The following DUSP15 variants were observed in gnomAD, a reference collection of about 807,000 sequenced individuals.
DUSP15 encodes the protein dual specificity protein phosphatase 15.
In DUSP15, 23 loss-of-function variants were observed where a neutral mutation model predicts 26.3. The observed-to-expected ratio is 0.87, with a 90% CI of 0.63 to 1.24. The LOEUF is 1.24. Among genes scored for constraint, DUSP15 ranks in the 50% most tolerant of loss-of-function variants. The pLI, the probability that DUSP15 is intolerant of heterozygous loss-of-function variation, is 0.00. For missense variants in DUSP15, 364 were observed against 320.6 expected (o/e 1.14, Z -1.03); for synonymous variants, 143 against 135.5 (o/e 1.06, Z -0.39).
intron 6 of DUSP15, among the ~76,000 whole-genome samples, chr20:31,852,033 G>GT (rs2062478826): frequency 7.1e-6 from 1 of 141,072 alleles, no homozygotes; most frequent in Non-Finnish European, 1.5e-5. Context: ...TTGAGATGGA[G>GT]TTTTGCTCTT....
chr20:31,849,776 G>C, exon 8 of DUSP15: 1 of 1,539,024 alleles, frequency 6.5e-7, no homozygotes, highest in African/African-American at 1.4e-5. Flanking sequence ...CAGGCGCTCG[G>C]CGGCCGCCCG....
At chr20:31,858,398 C>A (rs1254468453), downstream of DUSP15, among the ~76,000 whole-genome samples, 1 of 152,202 alleles carries the variant, frequency 6.6e-6, no homozygotes, top group Non-Finnish European at 1.5e-5. The surrounding 1 kb of genome is among the most constrained non-coding windows in gnomAD (Gnocchi z 4.4). Context: ...GTGGCTCAAC[C>A]CACGTGGGCC....
chr20:31,859,299 TGG>T (rs11477044), downstream of DUSP15, among the ~76,000 whole-genome samples: 1,123 of 140,008 alleles, frequency 8.0e-3, 14 homozygotes, highest in African/African-American at 0.024. Flanking sequence ...TGCATTTTTT[TGG>T]GGGGGGGGGA....
Position 31,870,201 on chromosome 20 carries a change from G to A in DUSP15, c.21+116C>T. The A allele has an allele frequency of 8.2e-7, 1 of 1,225,578 alleles. No homozygotes were observed. Among genetic ancestry groups the A allele is most frequent in the Non-Finnish European group, 1.0e-6 (1 of 983,718 alleles). The allele number at this position is 1,225,578 out of a possible 1,614,324, so 75.9% of individuals were successfully genotyped here. ...CGAGTCACAGGGACACGGAGATGCC[G>A]CCGCACGGAGACCGGCGAGAACAGA... On this transcript the variant is annotated intron_variant, in intron 1 of 6. Coordinates refer to ENST00000339738, the MANE Select transcript of DUSP15 (RefSeq NM_080611.5). The surrounding 1 kb of genome is among the most constrained non-coding windows in gnomAD (Gnocchi z 6.6).
Position 31,863,923 on chromosome 20 carries a change from T to TC in DUSP15, c.246dup (p.Asn83GlufsTer34). ...TTAACTCACCAGTGCACAAGGCAGT[T>TC]CCCCCCATTAAGGCGGCAGCAGTGG... is the stretch of plus-strand genomic sequence containing the variant. On this transcript the variant is annotated frameshift_variant, in exon 5 of 7. Transcript: ENST00000339738. LOFTEE classifies it high-confidence loss of function. The TC allele has an allele frequency of 6.2e-7, 1 of 1,613,478 alleles. No homozygotes were observed. The highest frequency in any genetic ancestry group is 8.5e-7 in the Non-Finnish European group (1 of 1,179,810).
chr20:31,864,020 C>T lies in DUSP15; in HGVS notation c.189-39G>A, dbSNP rs200398570. 25 of 1,611,130 alleles carry T rather than the reference C, an allele frequency of 1.6e-5. No homozygotes were observed. The African/African-American group carries it at 2.4e-4, about 15-fold the overall frequency. On this transcript the variant is annotated intron_variant, in intron 4 of 6. Transcript: ENST00000339738. ...CAATAGGGTAGGGAGCACTGCAGGGCAGACCTCTCAGGAGTTGTTCCGCCC... is the reference window on the plus strand; with the variant it reads ...CAATAGGGTAGGGAGCACTGCAGGGTAGACCTCTCAGGAGTTGTTCCGCCC...
chr20:31,866,948 G>T, intron 3 of DUSP15, 123 bp downstream of exon 3: 1 of 984,674 alleles, frequency 1.0e-6, no homozygotes, highest in Non-Finnish European at 1.5e-6. Context: ...GCCCAGTGGT[G>T]GAGACCAAAT....
At chr20:31,866,675 G>T (rs2062773409) in intron 3 of DUSP15, among the ~76,000 whole-genome samples, 1 of 152,200 alleles carries the variant, frequency 6.6e-6, no homozygotes, top group Non-Finnish European at 1.5e-5. Flanking sequence ...AGAGCTGAGG[G>T]ATCAAAGCCC....
Position 31,862,746 on chromosome 20 carries a change from G to A in DUSP15, c.264-4C>T. 1 of 1,594,562 alleles carries A rather than the reference G, an allele frequency of 6.3e-7. No homozygotes were observed. Among genetic ancestry groups the A allele is most frequent in the South Asian group, 1.1e-5 (1 of 89,492 alleles). On this transcript the variant is annotated splice_region_variant and splice_polypyrimidine_tract_variant and intron_variant, in intron 5 of 6. Transcript: ENST00000339738. ...GCTGCGAGAGATGCCTGCAAAGCTGGGATCCCCAACAACCCCTCAGGCTTC... is the reference window on the plus strand; with the variant it reads ...GCTGCGAGAGATGCCTGCAAAGCTGAGATCCCCAACAACCCCTCAGGCTTC...
chr20:31,869,772 G>C, intron 1 of DUSP15, 175 bp from the exon 2 acceptor site: 1 of 1,458,444 alleles, frequency 6.9e-7, no homozygotes, highest in Non-Finnish European at 9.1e-7. Context: ...GGGGTCTGGG[G>C]CTCTGGGGAG....
At chr20:31,864,659 G>C (rs1312344801) in intron 4 of DUSP15, among the ~76,000 whole-genome samples, 1 of 152,208 alleles carries the variant, frequency 6.6e-6, no homozygotes, top group Admixed American at 6.5e-5. Context: ...CCAAGGCCAG[G>C]AACAGGCTGA....
chr20:31,861,134 T>G lies in DUSP15; in HGVS notation c.*269A>C. 8.7e-7 allele frequency: 1 copy of G among 1,148,458 alleles called. No individual in the cohort carries two copies. Among genetic ancestry groups the G allele is most frequent in the Non-Finnish European group, 1.1e-6 (1 of 912,444 alleles). The allele number at this position is 1,148,458 out of a possible 1,614,324, so 71.1% of individuals were successfully genotyped here. A position where few individuals can be genotyped will look rare whatever the true frequency, so the allele number is the denominator to read the frequency against. Reference sequence around the variant, plus strand: ...CGTCAAACCCTCCACTCTCCCTCCCTCCCCTCCCGCCGCCTTTAAGGGTGG... The same window carrying G: ...CGTCAAACCCTCCACTCTCCCTCCCGCCCCTCCCGCCGCCTTTAAGGGTGG... On this transcript the variant is annotated 3_prime_UTR_variant, in exon 7 of 7. Coordinates refer to ENST00000339738, the MANE Select transcript of DUSP15 (RefSeq NM_080611.5).
At chr20:31,850,537 G>C (rs909163810) in intron 7 of DUSP15, 5 of 1,455,726 alleles carry the variant, frequency 3.4e-6, no homozygotes, top group Non-Finnish European at 4.7e-6. Flanking sequence ...GGGAGAGAGA[G>C]GTGGGCTGGC....
At chr20:31,857,001 C>G (rs2062571925), downstream of DUSP15, among the ~76,000 whole-genome samples, 1 of 152,012 alleles carries the variant, frequency 6.6e-6, no homozygotes, top group Non-Finnish European at 1.5e-5. Context: ...AAGATGAAGA[C>G]AGTGACATAT....
chr20:31,863,619 C>T, intron 5 of DUSP15: 1 of 364,332 alleles, frequency 2.7e-6, no homozygotes, highest in Non-Finnish European at 5.1e-6. Context: ...CCTCCATGAC[C>T]TCACCTATCC....
chr20:31,869,706 C>T (rs1237021404), intron 1 of DUSP15, 109 bp from the exon 2 acceptor site: 5 of 1,537,532 alleles, frequency 3.3e-6, no homozygotes, highest in African/African-American at 1.4e-5. Flanking sequence ...GGGTATGGAC[C>T]TCAGGGCTCA....
chr20:31,847,189 A>G (rs1600423697), downstream of DUSP15, among the ~76,000 whole-genome samples: 1 of 152,214 alleles, frequency 6.6e-6, no homozygotes, highest in African/African-American at 2.4e-5. Context: ...TGAATAGATG[A>G]GGGCTCTGAG....
At chr20:31,851,715 G>A (rs1159862264) in intron 6 of DUSP15, among the ~76,000 whole-genome samples, 1 of 152,098 alleles carries the variant, frequency 6.6e-6, no homozygotes, top group East Asian at 1.9e-4. Flanking sequence ...TTGCTGAGAG[G>A]TGACTGAGCT....
chr20:31,868,291 G>A (rs1202570179), intron 2 of DUSP15, among the ~76,000 whole-genome samples: 2 of 152,082 alleles, frequency 1.3e-5, no homozygotes, highest in Non-Finnish European at 2.9e-5. Flanking sequence ...AAATCAAGGT[G>A]GCATGAGCGG....
Sources: gnomAD v4.1 joint callset for allele counts (sites outside exome capture counted in the v4.1 genomes callset) on GRCh38, gnomAD v4.1.1 for gene constraint, Gnocchi (gnomAD v3.1) non-coding constraint, MANE v1.5 for transcripts, NCBI Gene and HGNC (gene_info 2026-07-23, HGNC 2026-07-21) for gene names.